Variants in ESRRB observed in about 807,000 individuals in gnomAD.
ESRRB encodes the protein estrogen related receptor beta, also known as steroid hormone receptor ERR2.
Under a neutral mutation model 46.0 loss-of-function variants are expected in ESRRB, and 16 were observed. That is an observed-to-expected ratio of 0.35 (90% CI 0.24 to 0.53). The LOEUF is 0.53. Ranked by LOEUF, ESRRB falls within the 20% of genes least tolerant of loss-of-function variation. ESRRB has a pLI of 0.93. For missense variants in ESRRB, 488 were observed against 607.4 expected (o/e 0.80, Z 2.07); for synonymous variants, 246 against 259.6 (o/e 0.95, Z 0.50).
chr14:76,371,094 A>G (rs1323151006), upstream of ESRRB, among the ~76,000 whole-genome samples: 1 of 152,236 alleles, frequency 6.6e-6, no homozygotes, highest in Non-Finnish European at 1.5e-5. Flanking sequence ...TCGTGGCAGC[A>G]GTGCTAATAG....
At position 76,313,453 on chromosome 14, in the gene ESRRB, G is replaced by A. The variant is rs118126470; in HGVS notation, c.2+2537G>A. On this transcript the variant is annotated intron_variant, in intron 1 of 6. Transcript: ENST00000512784. ...TAAATGAGCAGTTTCCTGTGTGCAT[G>A]CACTGTTGTTTTATGGGTTCCCCCC... 8.3e-3 allele frequency among the ~76,000 whole-genome samples: 1,266 copies of A among 152,186 alleles called. 13 individuals carry two copies. Among genetic ancestry groups the A allele is most frequent in the Middle Eastern group, 0.017 (5 of 294 alleles).
chr14:76,438,674 A>AC (rs1566898530), intron 1 of ESRRB, among the ~76,000 whole-genome samples: 1 of 152,052 alleles, frequency 6.6e-6, no homozygotes, highest in Non-Finnish European at 1.5e-5. Flanking sequence ...AAAAAAAAAA[A>AC]AAAACTTGTA....
At chr14:76,379,486 A>G (rs1167867365) in intron 1 of ESRRB, among the ~76,000 whole-genome samples, 2 of 152,238 alleles carry the variant, frequency 1.3e-5, no homozygotes, top group Non-Finnish European at 2.9e-5. Flanking sequence ...GGAGAAAAAC[A>G]AAGGGGGAAA....
intron 2 of ESRRB, among the ~76,000 whole-genome samples, chr14:76,448,263 AT>A (rs1359842772): frequency 1.4e-5 from 2 of 148,088 alleles, no homozygotes; most frequent in African/African-American, 2.5e-5. Context: ...GGTTATTGCC[AT>A]TTTTTTTGTC....
At chr14:76,402,018 A>G (rs1219600729) in intron 1 of ESRRB, among the ~76,000 whole-genome samples, 2 of 152,228 alleles carry the variant, frequency 1.3e-5, no homozygotes, top group Admixed American at 6.5e-5. Flanking sequence ...TTTCAGTCTG[A>G]GTCCAAAGGC....
At chr14:76,387,332 G>A (rs941746049) in intron 1 of ESRRB, among the ~76,000 whole-genome samples, 2 of 152,214 alleles carry the variant, frequency 1.3e-5, no homozygotes, top group Admixed American at 1.3e-4. Context: ...TACGGGGAAT[G>A]GAAGAGCTCT....
At chr14:76,406,870 A>G (rs1448746891) in intron 1 of ESRRB, among the ~76,000 whole-genome samples, 1 of 152,218 alleles carries the variant, frequency 6.6e-6, no homozygotes, top group Non-Finnish European at 1.5e-5. Flanking sequence ...TTGGGTAGGG[A>G]GAGTCCTCTG....
Position 76,442,823 on chromosome 14 carries a change from T to G in ESRRB, c.460+3073T>G, listed in dbSNP as rs184864023. Among the ~76,000 whole-genome samples, 468 of 147,968 alleles carry G rather than the reference T, an allele frequency of 3.2e-3. 4 individuals are homozygous for G. The highest frequency in any genetic ancestry group is 0.011 in the African/African-American group (456 of 40,548). On this transcript the variant is annotated intron_variant, in intron 2 of 6. Transcript: ENST00000644823. ...TTTTCTTTTCTTTTTTTTCTTTTTT[T>G]TTTTTTTTTGAGACAGAGTCTCACT...
Position 76,389,297 on chromosome 14 carries a change from C to T in ESRRB, c.50+12846C>T, listed in dbSNP as rs147259693. Among the ~76,000 whole-genome samples, 56 of 152,318 alleles carry T rather than the reference C, an allele frequency of 3.7e-4. No homozygotes were observed. In the Middle Eastern group the frequency reaches 0.017, roughly 46 times the overall value. The stretch of plus-strand genomic sequence containing the variant: ...CTTTCTCCTTGCAGCTGTTCTCTGT[C>T]TCATGCCCCTGACTGGTTTACAATC... On this transcript the variant is annotated intron_variant, in intron 1 of 6. Coordinates refer to ENST00000644823, the MANE Select transcript of ESRRB (RefSeq NM_001379180.1).
At chr14:76,314,769 G>T (rs923584931) in intron 1 of ESRRB, among the ~76,000 whole-genome samples, 1 of 152,056 alleles carries the variant, frequency 6.6e-6, no homozygotes, top group Non-Finnish European at 1.5e-5. Context: ...GAGGTCAGAA[G>T]TCTAAGTCCC....
chr14:76,420,558 AGTGTGTGTGTGTGTGT>A (rs61137774), intron 1 of ESRRB, among the ~76,000 whole-genome samples: 12 of 142,362 alleles, frequency 8.4e-5, no homozygotes, highest in African/African-American at 2.6e-4. Flanking sequence ...ACAGGGTGTG[AGTGTGTGTGTGTGTGT>A]GTGTGTGTGT....
intron 3 of ESRRB, among the ~76,000 whole-genome samples, chr14:76,478,665 G>A (rs557932107): frequency 4.6e-5 from 7 of 152,128 alleles, no homozygotes; most frequent in Admixed American, 1.3e-4. Flanking sequence ...GAGGTGGACC[G>A]TTTTCACTTT....
At chr14:76,325,475 A>G (rs1200806701) in intron 1 of ESRRB, among the ~76,000 whole-genome samples, 10 of 152,086 alleles carry the variant, frequency 6.6e-5, no homozygotes, top group African/African-American at 2.4e-4. Flanking sequence ...GCACACGGAG[A>G]AGGGAAACTT....
chr14:76,481,619 T>G (rs1380175709), intron 3 of ESRRB, among the ~76,000 whole-genome samples: 3 of 152,224 alleles, frequency 2.0e-5, no homozygotes, highest in African/African-American at 7.2e-5. Context: ...GAAGTGCCTG[T>G]GAATGACCGG....
rs565865125 is a variant in ESRRB, at chr14:76,445,587, T to A, written c.460+5837T>A. ...GATCACTTCCTTCTGCGCAATCCAA[T>A]GGTTGTACTAATATGGGAAGAAATT... On this transcript the variant is annotated intron_variant, in intron 2 of 6. Coordinates refer to ENST00000644823, the MANE Select transcript of ESRRB (RefSeq NM_001379180.1). Among the ~76,000 whole-genome samples, 9 of 151,784 alleles carry A rather than the reference T, an allele frequency of 5.9e-5. No individual in the cohort carries two copies. The East Asian group carries it at 1.5e-3, about 26-fold the overall frequency.
intron 1 of ESRRB, among the ~76,000 whole-genome samples, chr14:76,409,195 A>G (rs938146261): frequency 2.0e-5 from 3 of 152,226 alleles, no homozygotes; most frequent in Non-Finnish European, 4.4e-5. Context: ...TTCACAGAAA[A>G]CTTGCTAACA....
At chr14:76,424,654 GGATGAGGGAGGTGTCA>G (rs1887120823) in intron 1 of ESRRB, among the ~76,000 whole-genome samples, 1 of 152,218 alleles carries the variant, frequency 6.6e-6, no homozygotes, top group African/African-American at 2.4e-5. Context: ...ATAGTGTCTA[GGATGAGGGAGGTGTCA>G]GTACTGCTCT....
At chr14:76,398,650 T>A (rs1386567943) in intron 1 of ESRRB, among the ~76,000 whole-genome samples, 1 of 151,996 alleles carries the variant, frequency 6.6e-6, no homozygotes, top group African/African-American at 2.4e-5. Context: ...GGGGCATACG[T>A]ATGGGGTAAG....
Position 76,498,276 on chromosome 14 carries a change from C to T in ESRRB, c.1183C>T (p.Leu395=), listed in dbSNP as rs1595178142. The change falls in exon 7 of 7, where the codon CTG becomes TTG. Residue 395 remains leucine (L), a synonymous_variant. Coordinates refer to ENST00000644823, the MANE Select transcript of ESRRB (RefSeq NM_001379180.1). ...GCTGCAGGACCTGCTGCACGAGGCACTGCAGGACTACGAGCTGAGCCAGCG... is the reference window on the plus strand; with the variant it reads ...GCTGCAGGACCTGCTGCACGAGGCATTGCAGGACTACGAGCTGAGCCAGCG... ...QKLQDLLHEA[L]QDYELSQRHE... is the part of the protein sequence containing the mutation. 1.9e-6 allele frequency: 3 copies of T among 1,613,842 alleles called. No individual in the cohort carries two copies. Among genetic ancestry groups the T allele is most frequent in the East Asian group, 4.5e-5 (2 of 44,878 alleles).
Sources: gnomAD v4.1 joint callset for allele counts (sites outside exome capture counted in the v4.1 genomes callset) on GRCh38, gnomAD v4.1.1 for gene constraint, MANE v1.5 for transcripts, NCBI Gene and HGNC (gene_info 2026-07-23, HGNC 2026-07-21) for gene names.